The following CDC40 variants were observed in gnomAD, a reference collection of about 807,000 sequenced individuals.
The protein encoded by CDC40 is cell division cycle 40.
Under a neutral mutation model 80.6 loss-of-function variants are expected in CDC40, and 27 were observed. The ratio of observed to expected loss-of-function variants is 0.33; its 90% CI spans 0.25 to 0.46. The LOEUF is 0.46. Among genes scored for constraint, CDC40 ranks in the 20% least tolerant of loss-of-function variants. CDC40 has a pLI of 1.00. For synonymous variants in CDC40, 221 were observed against 232.6 expected (o/e 0.95, Z 0.45); for missense variants, 486 against 694.1 (o/e 0.70, Z 3.37).
chr6:110,205,069 A>C (rs1777545609), intron 3 of CDC40, among the ~76,000 whole-genome samples: 1 of 152,070 alleles, frequency 6.6e-6, no homozygotes, highest in African/African-American at 2.4e-5. Context: ...CCGGACTACT[A>C]GTGAGGTCGA....
rs868457806 is a variant in CDC40 at position 110,201,641 on chromosome 6, C to A, written c.360C>A (p.Ile120=). The change falls in exon 3 of 15, where the codon ATC becomes ATA. Residue 120 remains isoleucine (I), a synonymous_variant. Coordinates refer to ENST00000307731, the MANE Select transcript of CDC40 (RefSeq NM_015891.3). ...MLSGYAEPAH[I]NDFMFEQQRR... ...CTGGATATGCCGAACCAGCTCATAT[C>A]AATGATTTCATGTTTGAGCAGCAAA... 1.2e-6 allele frequency: 2 copies of A among 1,612,852 alleles called. No individual in the cohort carries two copies. The highest frequency in any genetic ancestry group is 3.3e-5 in the Admixed American group (2 of 59,984).
chr6:110,181,826 TTAAATGTCTGCATCA>T (rs1777200756), intron 1 of CDC40, among the ~76,000 whole-genome samples: 1 of 152,232 alleles, frequency 6.6e-6, no homozygotes, highest in African/African-American at 2.4e-5. Context: ...GCCATCTGAC[TTAAATGTCTGCATCA>T]AATGACACTG....
At chr6:110,192,513 G>C (rs1284023177) in intron 1 of CDC40, among the ~76,000 whole-genome samples, 1 of 152,170 alleles carries the variant, frequency 6.6e-6, no homozygotes, top group Non-Finnish European at 1.5e-5. Flanking sequence ...GATATCCTGG[G>C]AGAAGAGATG....
At position 110,228,873 on chromosome 6, in the gene CDC40, A is replaced by G; in HGVS notation, c.1459A>G (p.Ile487Val). Residue 487 changes from isoleucine to valine, a missense_variant, in exon 14 of 15, where the codon ATT becomes GTT. Transcript: ENST00000307731. The part of the protein sequence containing the change: ...ACQSMDNQIL[I>V]FGAQNRFRLN... ...CCAATCAATGGACAACCAAATCTTA[A>G]TTTTTGGAGCACAGAACAGATTTAG... 1.2e-6 allele frequency: 2 copies of G among 1,600,020 alleles called. No homozygotes were observed. Among genetic ancestry groups the G allele is most frequent in the Non-Finnish European group, 1.7e-6 (2 of 1,175,998 alleles).
chr6:110,189,916 C>T (rs1286487194), intron 1 of CDC40, among the ~76,000 whole-genome samples: 3 of 152,236 alleles, frequency 2.0e-5, no homozygotes, highest in African/African-American at 7.2e-5. Context: ...TCCTTACTAA[C>T]AGTCACTCTC....
rs748765463 is a variant in CDC40, at chr6:110,226,239, A to C, written c.1413A>C (p.Pro471=). The change falls in exon 13 of 15, where the codon CCA becomes CCC. Residue 471 remains proline, a synonymous_variant. Transcript: ENST00000307731. ...MHSMPAVTLS[P]NGKWLACQSM... Reference sequence around the variant, plus strand: ...CAATGCCTGCAGTGACTTTGTCTCCAAATGGTGAGTTAGTATGTAGATTGT... The same window carrying C: ...CAATGCCTGCAGTGACTTTGTCTCCCAATGGTGAGTTAGTATGTAGATTGT... 7 of 1,582,218 alleles carry C rather than the reference A, an allele frequency of 4.4e-6. No individual in the cohort carries two copies. The South Asian group carries it at 7.8e-5, about 18-fold the overall frequency.
intron 3 of CDC40, among the ~76,000 whole-genome samples, chr6:110,206,763 A>G (rs943904791): frequency 6.6e-6 from 1 of 152,202 alleles, no homozygotes; most frequent in Non-Finnish European, 1.5e-5. Flanking sequence ...AATTTACATA[A>G]TTTGATAAAC....
chr6:110,201,836 T>C, intron 3 of CDC40, 149 bp downstream of exon 3: 1 of 498,538 alleles, frequency 2.0e-6, no homozygotes, highest in South Asian at 4.5e-5. Context: ...CCTTAAATAT[T>C]TATATAAATG....
chr6:110,221,160 G>T (rs910435699), intron 12 of CDC40, among the ~76,000 whole-genome samples: 1 of 152,048 alleles, frequency 6.6e-6, no homozygotes, highest in South Asian at 2.1e-4. Flanking sequence ...TAACCTTTTT[G>T]TTAAAACGAA....
chr6:110,190,567 A>G (rs1315555424), intron 1 of CDC40, among the ~76,000 whole-genome samples: 1 of 152,146 alleles, frequency 6.6e-6, no homozygotes, highest in Non-Finnish European at 1.5e-5. Context: ...TGGACACAGC[A>G]TAGTGTTTGA....
chr6:110,186,060 TC>T lies in CDC40; in HGVS notation c.189+5429del, dbSNP rs1777265472. 2.6e-5 allele frequency among the ~76,000 whole-genome samples: 4 copies of T among 152,292 alleles called. No individual in the cohort carries two copies. The South Asian group carries it at 8.3e-4, about 32-fold the overall frequency. Reference sequence around the variant, plus strand: ...TGAATTTTATTCACATCCCCTGTACTCCTACTTTAGCTGTTGTTGTCTGGTA... The same window carrying T: ...TGAATTTTATTCACATCCCCTGTACTCTACTTTAGCTGTTGTTGTCTGGTA... On this transcript the variant is annotated intron_variant, in intron 1 of 14. Transcript: ENST00000307731.
At chr6:110,223,250 A>G (rs1777801886) in intron 12 of CDC40, among the ~76,000 whole-genome samples, 1 of 152,040 alleles carries the variant, frequency 6.6e-6, no homozygotes, top group Non-Finnish European at 1.5e-5. Context: ...ACGCCTGGCT[A>G]ATTTTTAAAT....
At chr6:110,221,865 CTTT>C (rs200106149) in intron 12 of CDC40, among the ~76,000 whole-genome samples, 5 of 121,256 alleles carry the variant, frequency 4.1e-5, no homozygotes, top group Admixed American at 8.4e-5. Flanking sequence ...TAGTATGTTT[CTTT>C]TTTTTTTTTT....
chr6:110,182,634 GC>G (rs1247469028), intron 1 of CDC40, among the ~76,000 whole-genome samples: 5 of 152,116 alleles, frequency 3.3e-5, no homozygotes, highest in Non-Finnish European at 7.4e-5. Flanking sequence ...ACTGGTGCAG[GC>G]TTCATATCTT....
Position 110,188,641 on chromosome 6 carries a change from A to T in CDC40, c.190-4541A>T, listed in dbSNP as rs575657488. ...AGGCTCAGGACTGTTGGGTGGGTGT[A>T]TCTGTTGGGCTCAGCCAAACAGATG... On this transcript the variant is annotated intron_variant, in intron 1 of 14. Transcript: ENST00000307731. Among the ~76,000 whole-genome samples the T allele has an allele frequency of 2.6e-5, 4 of 152,294 alleles. No homozygotes were observed. In the East Asian group the frequency reaches 5.8e-4, roughly 22 times the overall value.
intron 2 of CDC40, among the ~76,000 whole-genome samples, chr6:110,197,481 TG>T: frequency 6.6e-6 from 1 of 152,188 alleles, no homozygotes; most frequent in Admixed American, 6.5e-5. Context: ...AAGAATACAT[TG>T]TTATTAACTG....
chr6:110,211,954 G>A (rs1351660088), intron 6 of CDC40, 179 bp from the exon 7 acceptor site: 1 of 559,832 alleles, frequency 1.8e-6, no homozygotes, highest in African/African-American at 1.9e-5. Context: ...GTAAATGATA[G>A]CAGTTATTTT....
At chr6:110,199,213 A>G (rs1271267685) in intron 2 of CDC40, among the ~76,000 whole-genome samples, 2 of 152,146 alleles carry the variant, frequency 1.3e-5, no homozygotes, top group Non-Finnish European at 2.9e-5. Flanking sequence ...TCGGTATAGT[A>G]CCTTATATTA....
intron 8 of CDC40, among the ~76,000 whole-genome samples, chr6:110,214,868 A>T (rs1777679182): frequency 6.6e-6 from 1 of 152,234 alleles, no homozygotes; most frequent in Admixed American, 6.5e-5. Flanking sequence ...TTTCAGTATC[A>T]AAATGTTATA....
Sources: allele counts gnomAD v4.1 joint callset (sites outside exome capture counted in the v4.1 genomes callset), GRCh38; gene constraint gnomAD v4.1.1; transcripts MANE v1.5; gene names NCBI Gene and HGNC (gene_info 2026-07-23, HGNC 2026-07-21).